MAF: variants seen among roughly 807,000 people sequenced by gnomAD.
MAF encodes the protein MAF bZIP transcription factor.
In MAF, 10 loss-of-function variants were observed where a neutral mutation model predicts 22.0. That is an observed-to-expected ratio of 0.45 (90% confidence interval 0.28 to 0.77). The LOEUF (loss-of-function observed/expected upper bound fraction) is 0.77. Among genes scored for constraint, MAF ranks in the 30% least tolerant of loss-of-function variants. The pLI, the probability that MAF is intolerant of heterozygous loss-of-function variation, is 0.12. For missense variants in MAF, 544 were observed against 548.4 expected (o/e 0.99, Z 0.08); for synonymous variants, 337 against 255.8 (o/e 1.32, Z -3.03).
the MAF span, among the ~76,000 whole-genome samples, chr16:79,382,220 C>T: frequency 2.0e-5 from 3 of 152,112 alleles, no homozygotes; most frequent in Admixed American, 6.5e-5. Flanking sequence ...TTCTTCTAGC[C>T]GATCTAAGAA....
At chr16:79,372,100 A>G in the MAF span, among the ~76,000 whole-genome samples, 1 of 147,340 alleles carries the variant, frequency 6.8e-6, no homozygotes, top group Non-Finnish European at 1.5e-5. Flanking sequence ...CCCCAAGTGC[A>G]ATGCCAGTTT....
At chr16:79,222,370 C>G in the MAF span, among the ~76,000 whole-genome samples, 4 of 152,062 alleles carry the variant, frequency 2.6e-5, no homozygotes, top group African/African-American at 9.7e-5. Context: ...CTGATACCAG[C>G]CACTGCAAAA....
At chr16:79,333,329 A>C in the MAF span, among the ~76,000 whole-genome samples, 1 of 152,118 alleles carries the variant, frequency 6.6e-6, no homozygotes. Context: ...GGTTAATCGG[A>C]ATCCTACTCT....
the MAF span, among the ~76,000 whole-genome samples, chr16:79,213,437 T>C: frequency 6.6e-6 from 1 of 152,254 alleles, no homozygotes; most frequent in Non-Finnish European, 1.5e-5. Flanking sequence ...TCAGACATTA[T>C]TGTCATTTGC....
the MAF span, among the ~76,000 whole-genome samples, chr16:79,383,828 C>G: frequency 6.6e-6 from 1 of 151,994 alleles, no homozygotes; most frequent in African/African-American, 2.4e-5. Flanking sequence ...TCAAAAAGAG[C>G]CTTATAGTTT....
At chr16:79,580,390 G>C in the MAF span, among the ~76,000 whole-genome samples, 1 of 152,246 alleles carries the variant, frequency 6.6e-6, no homozygotes, top group Non-Finnish European at 1.5e-5. Flanking sequence ...TGCACATGCT[G>C]ACTAGAATGC....
the MAF span, among the ~76,000 whole-genome samples, chr16:79,330,219 C>T: frequency 2.0e-5 from 3 of 152,124 alleles, no homozygotes; most frequent in South Asian, 2.1e-4. Context: ...ATTCTTTATG[C>T]CCAGATCATT....
chr16:79,302,995 T>G, the MAF span, among the ~76,000 whole-genome samples: 1 of 152,096 alleles, frequency 6.6e-6, no homozygotes, highest in African/African-American at 2.4e-5. Flanking sequence ...CACTCCGGAG[T>G]TGCTTCTGAC....
chr16:79,490,153 C>T, the MAF span, among the ~76,000 whole-genome samples: 177 of 152,266 alleles, frequency 1.2e-3, 1 homozygote, highest in African/African-American at 4.1e-3. Context: ...AAAGGGCCAA[C>T]GATGACCCAT....
At chr16:79,278,925 C>T in the MAF span, among the ~76,000 whole-genome samples, 1 of 151,890 alleles carries the variant, frequency 6.6e-6, no homozygotes, top group Non-Finnish European at 1.5e-5. Flanking sequence ...GGGAATGGGG[C>T]CATGGAAAAG....
chr16:79,360,308 G>A, the MAF span, among the ~76,000 whole-genome samples: 1 of 152,178 alleles, frequency 6.6e-6, no homozygotes, highest in Non-Finnish European at 1.5e-5. Context: ...ACCTGGCCTT[G>A]TTTCCCATCT....
chr16:79,225,211 AACT>A, the MAF span, among the ~76,000 whole-genome samples: 3 of 152,190 alleles, frequency 2.0e-5, no homozygotes, highest in African/African-American at 7.2e-5. Context: ...AGCACCACAA[AACT>A]ACAACCATCT....
At chr16:79,523,977 T>G in the MAF span, among the ~76,000 whole-genome samples, 1 of 152,186 alleles carries the variant, frequency 6.6e-6, no homozygotes, top group Non-Finnish European at 1.5e-5. Flanking sequence ...CCTGTGATCA[T>G]CGGCATGAAA....
the MAF span, among the ~76,000 whole-genome samples, chr16:79,456,998 G>A: frequency 8.6e-5 from 13 of 151,820 alleles, no homozygotes; most frequent in Non-Finnish European, 1.3e-4. Flanking sequence ...TGTGTATAAG[G>A]GCTTATAAGA....
the MAF span, among the ~76,000 whole-genome samples, chr16:79,529,152 T>G: frequency 1.3e-5 from 2 of 152,204 alleles, no homozygotes; most frequent in Non-Finnish European, 2.9e-5. Flanking sequence ...GATTGGGATG[T>G]GGGAAATTAC....
At chr16:79,485,013 T>C in the MAF span, among the ~76,000 whole-genome samples, 1 of 152,220 alleles carries the variant, frequency 6.6e-6, no homozygotes, top group African/African-American at 2.4e-5. Context: ...ATTTATTATC[T>C]ATAAAAATGG....
the MAF span, among the ~76,000 whole-genome samples, chr16:79,263,372 G>A: frequency 6.6e-6 from 1 of 152,160 alleles, no homozygotes; most frequent in Non-Finnish European, 1.5e-5. Context: ...TGGAGGATAT[G>A]ATTTGATTTC....
chr16:79,266,545 C>A, the MAF span, among the ~76,000 whole-genome samples: 4 of 152,120 alleles, frequency 2.6e-5, no homozygotes, highest in Non-Finnish European at 5.9e-5. Context: ...AACACTTGGA[C>A]TGGGTTGTCT....
the MAF span, among the ~76,000 whole-genome samples, chr16:79,489,503 G>A: frequency 2.3e-4 from 35 of 152,314 alleles, no homozygotes; most frequent in African/African-American, 7.5e-4. Context: ...CTTACTGCAT[G>A]AGGGAAGGGC....
Sources: allele counts gnomAD v4.1 joint callset (sites outside exome capture counted in the v4.1 genomes callset), GRCh38; gene constraint gnomAD v4.1.1; transcripts MANE v1.5; gene names NCBI Gene and HGNC (gene_info 2026-07-23, HGNC 2026-07-21).